PRKD3: variants seen among roughly 807,000 people sequenced by gnomAD.
PRKD3 encodes the protein serine/threonine-protein kinase D3.
A neutral mutation model predicts 99.2 loss-of-function variants in PRKD3; 47 were observed. The ratio of observed to expected loss-of-function variants is 0.47; its 90% CI spans 0.38 to 0.60. The LOEUF (loss-of-function observed/expected upper bound fraction) is 0.60, where lower values mean the gene tolerates loss of function less well. Among genes scored for constraint, PRKD3 ranks in the 20% least tolerant of loss-of-function variants. The pLI is 0.00. For missense variants in PRKD3, 1,019 were observed against 1,088.4 expected (o/e 0.94, Z 0.90); for synonymous variants, 392 against 355.4 (o/e 1.10, Z -1.16).
chr2:37,322,583 G>A (rs1184296414), intron 1 of PRKD3, among the ~76,000 whole-genome samples: 1 of 152,340 alleles, frequency 6.6e-6, no homozygotes, highest in Non-Finnish European at 1.5e-5. Flanking sequence ...ACAGATGTTA[G>A]TCTCTGCACC....
intron 12 of PRKD3, 76 bp from the exon 13 acceptor site, chr2:37,269,763 A>C: frequency 9.9e-7 from 1 of 1,008,230 alleles, no homozygotes; most frequent in Non-Finnish European, 1.5e-6. Context: ...TTCTTCATCC[A>C]AATACTTCAA....
chr2:37,318,372 G>A (rs1441542661), intron 1 of PRKD3, among the ~76,000 whole-genome samples: 1 of 152,160 alleles, frequency 6.6e-6, no homozygotes, highest in African/African-American at 2.4e-5. Flanking sequence ...AGTTGACAGG[G>A]TAGAAATCAT....
In PRKD3 at chr2:37,317,095, A is replaced by G. The variant is rs1015394213; in HGVS notation, c.-571T>C. 4.1e-6 allele frequency: 4 copies of G among 985,490 alleles called. No individual in the cohort carries two copies. Among genetic ancestry groups the G allele is most frequent in the Non-Finnish European group, 3.6e-6 (3 of 830,074 alleles). 61.0% of individuals were successfully genotyped at this position (985,490 alleles called of 1,614,324 possible). A position where few individuals can be genotyped will look rare whatever the true frequency, so the allele number is the denominator to read the frequency against. Reference sequence around the variant, plus strand: ...GATGAACTTTTCTATGACGAAATACAAAGCTTTTTAAAATAGTACAGGCAT... The same window carrying G: ...GATGAACTTTTCTATGACGAAATACGAAGCTTTTTAAAATAGTACAGGCAT... On this transcript the variant is annotated 5_prime_UTR_variant, in exon 2 of 19. Coordinates refer to ENST00000234179, the MANE Select transcript of PRKD3 (RefSeq NM_005813.6).
Position 37,312,894 on chromosome 2 carries a change from G to A in PRKD3, c.288+3343C>T, listed in dbSNP as rs557704493. Among the ~76,000 whole-genome samples the A allele has an allele frequency of 8.1e-4, 123 of 152,226 alleles. 1 individual carries two copies. The South Asian group carries it at 0.024, about 30-fold the overall frequency. On this transcript the variant is annotated intron_variant, in intron 2 of 18. Transcript: ENST00000234179. ...CCACTAGGTCCTACTAGGAGCAATC[G>A]TTCACTATTAGCTAATTCAGTGTTC...
At chr2:37,303,758 AAAG>A (rs746387006) in intron 2 of PRKD3, among the ~76,000 whole-genome samples, 3 of 152,222 alleles carry the variant, frequency 2.0e-5, no homozygotes. Flanking sequence ...ACTTTTTTAA[AAAG>A]AAGAATGAAG....
In PRKD3 at chr2:37,277,913, T is replaced by C. The variant is rs765333102; in HGVS notation, c.1249A>G (p.Met417Val). ...IKHTKRKSSTMVKEGWMVHYT... is the reference protein window; with the variant it reads ...IKHTKRKSSTVVKEGWMVHYT... ...TGGACCATCCACCCTTCCTTCACCATTGTGCTGCTCTTCCTCTTTGTGTGC... is the reference window on the plus strand; with the variant it reads ...TGGACCATCCACCCTTCCTTCACCACTGTGCTGCTCTTCCTCTTTGTGTGC... The change falls in exon 9 of 19, where the codon ATG becomes GTG. Residue 417 changes from methionine to valine, a missense_variant. Physicochemically the swap from Met to Val is conservative, Grantham distance 21 (BLOSUM62 1). This residue lies in a region of PRKD3 where 710 missense variants were observed against 692.7 expected (regional missense o/e 1.02). Coordinates refer to ENST00000234179, the MANE Select transcript of PRKD3 (RefSeq NM_005813.6). 70 of 1,613,736 alleles carry C rather than the reference T, an allele frequency of 4.3e-5. No homozygotes were observed. The highest frequency in any genetic ancestry group is 5.9e-5 in the Non-Finnish European group (70 of 1,179,718).
chr2:37,268,367 A>C (rs1392587733), intron 13 of PRKD3: 2 of 470,874 alleles, frequency 4.2e-6, no homozygotes, highest in Non-Finnish European at 8.8e-6. Flanking sequence ...CTTAAAACTG[A>C]CAAATCTGAA....
chr2:37,313,298 T>C (rs59262093), intron 2 of PRKD3, among the ~76,000 whole-genome samples: 24,258 of 150,534 alleles, frequency 0.16, 2,054 homozygotes, highest in South Asian at 0.28. Context: ...ATTCGGCTTA[T>C]GGATACAGAT....
At chr2:37,300,532 CT>C (rs1390857408) in intron 2 of PRKD3, among the ~76,000 whole-genome samples, 2 of 152,154 alleles carry the variant, frequency 1.3e-5, no homozygotes, top group Non-Finnish European at 2.9e-5. Flanking sequence ...TAGAATTGGA[CT>C]GTTCCTAACA....
intron 2 of PRKD3, among the ~76,000 whole-genome samples, chr2:37,300,387 G>T (rs1192994755): frequency 4.6e-5 from 7 of 152,038 alleles, no homozygotes; most frequent in Non-Finnish European, 7.4e-5. Context: ...GGTAGTGGGT[G>T]GGGGGAATAA....
intron 1 of PRKD3, among the ~76,000 whole-genome samples, chr2:37,321,011 G>C (rs1056464643): frequency 6.6e-6 from 1 of 152,132 alleles, no homozygotes; most frequent in African/African-American, 2.4e-5. Flanking sequence ...GATGCAACAA[G>C]ATGTTGGGTG....
At chr2:37,269,514 A>G (rs1490260031) in intron 13 of PRKD3, 101 bp downstream of exon 13, 1 of 995,776 alleles carries the variant, frequency 1.0e-6, no homozygotes, top group Non-Finnish European at 1.6e-6. Context: ...AAAAAAAGGC[A>G]CTGGACAAAA....
chr2:37,266,708 G>GAAC (rs1472039275), intron 14 of PRKD3, among the ~76,000 whole-genome samples: 2 of 151,990 alleles, frequency 1.3e-5, no homozygotes, highest in Non-Finnish European at 2.9e-5. Flanking sequence ...GGCTGGTCCC[G>GAAC]AACTCCTAAC....
intron 10 of PRKD3, among the ~76,000 whole-genome samples, chr2:37,275,440 G>A (rs1669520312): frequency 6.6e-6 from 1 of 152,136 alleles, no homozygotes; most frequent in Non-Finnish European, 1.5e-5. Context: ...ATACCTCACT[G>A]ACCTCTTCTG....
At chr2:37,271,361 A>G (rs1669254308) in intron 12 of PRKD3, among the ~76,000 whole-genome samples, 1 of 152,208 alleles carries the variant, frequency 6.6e-6, no homozygotes, top group East Asian at 1.9e-4. Context: ...ATTCTGTGAC[A>G]TGTAAATATT....
intron 14 of PRKD3, among the ~76,000 whole-genome samples, chr2:37,261,360 A>G (rs1668430236): frequency 6.6e-6 from 1 of 152,092 alleles, no homozygotes; most frequent in Non-Finnish European, 1.5e-5. Context: ...GGTGACAGGT[A>G]TCTGTAAACC....
intron 2 of PRKD3, 95 bp downstream of exon 2, chr2:37,316,142 T>C: frequency 8.0e-7 from 1 of 1,256,356 alleles, no homozygotes; most frequent in Non-Finnish European, 1.1e-6. Context: ...AAACTACTGA[T>C]GGATCAGTAT....
intron 4 of PRKD3, among the ~76,000 whole-genome samples, chr2:37,290,030 A>G (rs1244948300): frequency 6.6e-6 from 1 of 152,238 alleles, no homozygotes; most frequent in Non-Finnish European, 1.5e-5. Flanking sequence ...GATTGGTTTC[A>G]TACTGTAATA....
chr2:37,253,375 A>G, intron 18 of PRKD3, 25 bp from the exon 19 acceptor site: 2 of 1,575,378 alleles, frequency 1.3e-6, no homozygotes, highest in Admixed American at 3.6e-5. Context: ...AATTGTAATG[A>G]TGAAACAAAA....
Sources: gnomAD v4.1 joint callset for allele counts (sites outside exome capture counted in the v4.1 genomes callset) on GRCh38, gnomAD v4.1.1 for gene constraint, gnomAD v4.1.1 regional missense constraint, MANE v1.5 for transcripts, NCBI Gene and HGNC (gene_info 2026-07-23, HGNC 2026-07-21) for gene names.